PLCB1: variants seen among roughly 807,000 people sequenced by gnomAD.
PLCB1 encodes phospholipase C beta 1.
PLCB1 carries 46 observed loss-of-function variants against 161.8 expected under a neutral mutation model. That is an observed-to-expected ratio of 0.28 (90% CI 0.22 to 0.36). The LOEUF (loss-of-function observed/expected upper bound fraction) is 0.36, where lower values mean the gene tolerates loss of function less well. Among genes scored for constraint, PLCB1 ranks in the 10% least tolerant of loss-of-function variants. The pLI is 1.00. For synonymous variants in PLCB1, 517 were observed against 503.7 expected, an observed-to-expected ratio of 1.03 and a Z score of -0.35; for missense variants, 1,016 against 1,472.5, an observed-to-expected ratio of 0.69 and a Z score of 5.07.
intron 4 of PLCB1, among the ~76,000 whole-genome samples, chr20:8,635,995 G>A (rs1445491653): frequency 6.6e-6 from 1 of 152,162 alleles, no homozygotes; most frequent in East Asian, 1.9e-4. Context: ...CAAAATGTGT[G>A]CTTTATCTCG....
At chr20:8,218,438 G>A (rs190359642) in intron 2 of PLCB1, among the ~76,000 whole-genome samples, 5 of 152,164 alleles carry the variant, frequency 3.3e-5, no homozygotes, top group Non-Finnish European at 2.9e-5. Flanking sequence ...GTTGATTCTG[G>A]AGCCAGACTG....
intron 9 of PLCB1, among the ~76,000 whole-genome samples, chr20:8,679,751 A>G (rs968244642): frequency 3.9e-5 from 6 of 152,230 alleles, no homozygotes. Flanking sequence ...GTCCAATGGC[A>G]TACTGATTTA....
At chr20:8,497,394 T>G (rs1345513393) in intron 3 of PLCB1, among the ~76,000 whole-genome samples, 1 of 152,186 alleles carries the variant, frequency 6.6e-6, no homozygotes, top group Non-Finnish European at 1.5e-5. Flanking sequence ...CTAAAATTAA[T>G]TTTGGAAAGT....
intron 12 of PLCB1, among the ~76,000 whole-genome samples, chr20:8,714,137 AC>A (rs1372370936): frequency 6.6e-6 from 1 of 152,020 alleles, no homozygotes; most frequent in East Asian, 1.9e-4. Context: ...TCAAGCTTGA[AC>A]ACACACCAGA....
intron 31 of PLCB1, among the ~76,000 whole-genome samples, chr20:8,850,703 A>C (rs1986855913): frequency 6.6e-6 from 1 of 152,206 alleles, no homozygotes; most frequent in South Asian, 2.1e-4. Context: ...GTGAGGACAC[A>C]GCAAAAAGGT....
At chr20:8,714,821 C>T (rs1406082952) in intron 12 of PLCB1, among the ~76,000 whole-genome samples, 2 of 152,064 alleles carry the variant, frequency 1.3e-5, no homozygotes, top group East Asian at 1.9e-4. Context: ...CCAGAGAACT[C>T]ACTTTCCACC....
At chr20:8,550,886 T>C (rs1447209582) in intron 3 of PLCB1, among the ~76,000 whole-genome samples, 3 of 152,014 alleles carry the variant, frequency 2.0e-5, no homozygotes. Flanking sequence ...TCTATTCCTC[T>C]CCCCAAGTGT....
intron 3 of PLCB1, among the ~76,000 whole-genome samples, chr20:8,541,054 A>C (rs1985295964): frequency 6.6e-6 from 1 of 152,204 alleles, no homozygotes; most frequent in Non-Finnish European, 1.5e-5. Context: ...GAAGGGACAG[A>C]CACCATAATT....
intron 2 of PLCB1, among the ~76,000 whole-genome samples, chr20:8,244,436 T>C (rs1395925996): frequency 6.6e-6 from 1 of 151,940 alleles, no homozygotes; most frequent in East Asian, 1.9e-4. Context: ...TGCTACAATA[T>C]GGATAAAATT....
chr20:8,652,518 T>A (rs908226743), intron 7 of PLCB1: 1 of 152,084 alleles, frequency 6.6e-6, no homozygotes, highest in African/African-American at 2.4e-5. Flanking sequence ...CTCTAGAAAA[T>A]ATCCACTAAT....
chr20:8,638,537 C>T (rs561988581), intron 4 of PLCB1, among the ~76,000 whole-genome samples: 1 of 152,026 alleles, frequency 6.6e-6, no homozygotes, highest in Admixed American at 6.6e-5. Flanking sequence ...GCATTACACA[C>T]CCATATATAT....
chr20:8,729,373 A>C, intron 18 of PLCB1, 199 bp downstream of exon 18: 1 of 378,144 alleles, frequency 2.6e-6, no homozygotes, highest in East Asian at 4.1e-5. Flanking sequence ...TATTCTGTAA[A>C]TGGATCTTTA....
chr20:8,346,857 A>G (rs1377848093), intron 2 of PLCB1, among the ~76,000 whole-genome samples: 1 of 152,160 alleles, frequency 6.6e-6, no homozygotes, highest in African/African-American at 2.4e-5. Flanking sequence ...TCCTCTCCAG[A>G]AGGAAATCAA....
At chr20:8,214,930 A>G (rs1979037271) in intron 2 of PLCB1, among the ~76,000 whole-genome samples, 1 of 152,116 alleles carries the variant, frequency 6.6e-6, no homozygotes, top group African/African-American at 2.4e-5. Flanking sequence ...AAGACAGACA[A>G]AAGTCCAAAC....
At chr20:8,662,491 T>C (rs960979698) in intron 9 of PLCB1, among the ~76,000 whole-genome samples, 1 of 141,516 alleles carries the variant, frequency 7.1e-6, no homozygotes, top group Non-Finnish European at 1.5e-5. Flanking sequence ...TATAATTTTT[T>C]ATTATATAAT....
intron 2 of PLCB1, among the ~76,000 whole-genome samples, chr20:8,302,490 T>C: frequency 6.6e-6 from 1 of 152,230 alleles, no homozygotes; most frequent in East Asian, 1.9e-4. Context: ...AAAATTAGAC[T>C]TTTAATTATA....
chr20:8,334,159 C>T (rs207477342), intron 2 of PLCB1, among the ~76,000 whole-genome samples: 2 of 151,582 alleles, frequency 1.3e-5, no homozygotes, highest in Admixed American at 6.6e-5. Context: ...CGATGAGCCG[C>T]GATCGCGCCA....
At chr20:8,301,976 C>T (rs773470168) in intron 2 of PLCB1, among the ~76,000 whole-genome samples, 1 of 152,208 alleles carries the variant, frequency 6.6e-6, no homozygotes, top group Non-Finnish European at 1.5e-5. Flanking sequence ...GCCTCAACTG[C>T]TTCATACCTA....
At chr20:8,233,513 G>A (rs2123189009) in intron 2 of PLCB1, among the ~76,000 whole-genome samples, 1 of 152,136 alleles carries the variant, frequency 6.6e-6, no homozygotes, top group Middle Eastern at 3.4e-3. Flanking sequence ...TTGATAACTT[G>A]GTTAAGTTGA....
Sources: allele counts gnomAD v4.1 joint callset (sites outside exome capture counted in the v4.1 genomes callset), GRCh38; gene constraint gnomAD v4.1.1; transcripts MANE v1.5; gene names NCBI Gene and HGNC (gene_info 2026-07-23, HGNC 2026-07-21).